The following DST variants were observed in gnomAD, a reference collection of about 807,000 sequenced individuals.
DST encodes dystonin.
Under a neutral mutation model 875.2 loss-of-function variants are expected in DST, and 253 were observed. That is an observed-to-expected ratio of 0.29 (90% CI 0.26 to 0.32). The LOEUF is 0.32. Among genes scored for constraint, DST ranks in the 10% least tolerant of loss-of-function variants. The pLI is 1.00. For synonymous variants in DST, 3,124 were observed against 3,197.1 expected (o/e 0.98, Z 0.77); for missense variants, 8,287 against 9,111.6 (o/e 0.91, Z 3.68).
rs779891043 is a variant in DST at position 56,472,164 on chromosome 6, G to T, written c.22053C>A (p.Thr7351=). The part of the protein sequence containing the change: ...YPSGSQTQIE[T]KNPRVNLLVS... ...CCAGTAAGTTTACCCTAGGATTTTTGGTTTCAATTTGTGTCTGTGACCCAG... is the reference window on the plus strand; with the variant it reads ...CCAGTAAGTTTACCCTAGGATTTTTTGTTTCAATTTGTGTCTGTGACCCAG... Residue 7351 remains threonine (T), a synonymous_variant, in exon 94 of 104, where the codon ACC becomes ACA. Transcript: ENST00000680361. The T allele has an allele frequency of 1.9e-6, 3 of 1,613,814 alleles. No individual in the cohort carries two copies. Among genetic ancestry groups the T allele is most frequent in the Non-Finnish European group, 2.5e-6 (3 of 1,179,814 alleles).
At chr6:56,644,950 A>G (rs1056151921) in intron 15 of DST, among the ~76,000 whole-genome samples, 20 of 152,188 alleles carry the variant, frequency 1.3e-4, no homozygotes, top group Admixed American at 1.3e-3. Context: ...ATGGTAATGA[A>G]TAAGTCTCAA....
chr6:56,633,150 G>A (rs973884724), intron 27 of DST, 113 bp from the exon 28 acceptor site: 11 of 839,680 alleles, frequency 1.3e-5, no homozygotes, highest in Non-Finnish European at 2.0e-5. Flanking sequence ...ATCATAAATA[G>A]GAACATTTGA....
Position 56,603,937 on chromosome 6 carries a change from C to G in DST, c.10691G>C (p.Arg3564Thr), listed in dbSNP as rs534262273. 23 of 1,611,536 alleles carry G rather than the reference C, an allele frequency of 1.4e-5. No homozygotes were observed. In the South Asian group the frequency reaches 2.1e-4, roughly 15 times the overall value. ...SSTVWASTLPRDEKLKDLCND... is the reference protein window; with the variant it reads ...SSTVWASTLPTDEKLKDLCND... ...ACACAGATCCTTGAGCTTCTCATCT[C>G]TTGGCAATGTTGATGCCCACACAGT... The change falls in exon 40 of 104, where the codon AGA (arginine) becomes ACA (threonine). Residue 3564 changes from arginine to threonine, a missense_variant. Coordinates refer to ENST00000680361, the MANE Select transcript of DST (RefSeq NM_001374736.1).
intron 32 of DST, among the ~76,000 whole-genome samples, chr6:56,629,011 A>T (rs1372481234): frequency 6.6e-6 from 1 of 152,242 alleles, no homozygotes; most frequent in African/African-American, 2.4e-5. Context: ...AAAGGCAAGC[A>T]GATTAACTAT....
At chr6:56,548,085 C>T (rs2097259033) in intron 61 of DST, among the ~76,000 whole-genome samples, 4 of 152,200 alleles carry the variant, frequency 2.6e-5, no homozygotes, top group African/African-American at 9.6e-5. Flanking sequence ...TGGTCTAGAT[C>T]AGGGGTGTCC....
intron 86 of DST, 138 bp downstream of exon 86, chr6:56,489,352 G>C (rs2095664143): frequency 2.7e-6 from 2 of 741,520 alleles, no homozygotes; most frequent in East Asian, 3.1e-5. Context: ...AAGAGCAATA[G>C]CTTTTAAATT....
chr6:56,476,256 CT>C lies in DST; in HGVS notation c.21756del (p.Ala7253LeufsTer28), dbSNP rs398122819. 1.2e-6 allele frequency: 2 copies of C among 1,610,578 alleles called. No homozygotes were observed. On this transcript the variant is annotated frameshift_variant, in exon 92 of 104. Transcript: ENST00000680361. LOFTEE classifies it high-confidence loss of function. The stretch of plus-strand genomic sequence containing the variant: ...GCCCATTGCAACCAAGCCAGCAAAG[CT>C]TCCAACAATTCCTGTTTGGCAATAA... ...AGLIAKQELL[E>X]ALLAWLQWAE...
intron 49 of DST, among the ~76,000 whole-genome samples, chr6:56,582,026 A>G (rs2098012902): frequency 1.3e-5 from 2 of 152,184 alleles, no homozygotes; most frequent in South Asian, 4.1e-4. Flanking sequence ...TACCTGCTTA[A>G]TATTTTTTAA....
intron 3 of DST, chr6:56,871,596 A>G: frequency 8.7e-6 from 7 of 808,002 alleles, no homozygotes; most frequent in Non-Finnish European, 1.5e-5. Flanking sequence ...TCATGGTTGG[A>G]TTAACCCATA....
In DST at chr6:56,880,842, T is replaced by C. The variant is rs1415012757; in HGVS notation, c.417+19579A>G. 5.6e-3 allele frequency among the ~76,000 whole-genome samples: 668 copies of C among 119,430 alleles called. 5 individuals are homozygous for C. The highest frequency in any genetic ancestry group is 9.5e-3 in the South Asian group (31 of 3,266). The allele number at this position is 119,430 out of a possible 152,430, so 78.4% of individuals were successfully genotyped here. On this transcript the variant is annotated intron_variant, in intron 3 of 103. Transcript: ENST00000680361. ...TAATATAAAATACTGTCTTTCTTTT[T>C]TTTTTTTTTTTTTTTTTTTTTTTGA...
At chr6:56,514,852 G>A (rs1452810912) in intron 72 of DST, among the ~76,000 whole-genome samples, 2 of 152,194 alleles carry the variant, frequency 1.3e-5, no homozygotes, top group African/African-American at 2.4e-5. Flanking sequence ...AAAATGTGAT[G>A]TAACTGTAGT....
intron 4 of DST, among the ~76,000 whole-genome samples, chr6:56,754,021 T>C (rs756069536): frequency 4.6e-5 from 7 of 152,216 alleles, no homozygotes; most frequent in Non-Finnish European, 5.9e-5. Flanking sequence ...TGGAGCTTTT[T>C]GTTTACATGA....
chr6:56,768,032 G>A (rs1032061130), intron 4 of DST, among the ~76,000 whole-genome samples: 2 of 152,080 alleles, frequency 1.3e-5, no homozygotes, highest in Non-Finnish European at 2.9e-5. Context: ...GGTACCACAG[G>A]ACCATATAAG....
chr6:56,908,718 C>G (rs899175956), intron 2 of DST, among the ~76,000 whole-genome samples: 7 of 152,098 alleles, frequency 4.6e-5, no homozygotes, highest in African/African-American at 1.2e-4. Context: ...AGATACGGGT[C>G]GTAAAGACCT....
chr6:56,515,369 T>C (rs1255509627), intron 72 of DST, 81 bp downstream of exon 72: 2 of 1,485,128 alleles, frequency 1.3e-6, no homozygotes, highest in African/African-American at 2.8e-5. Flanking sequence ...ATGTAAGTGT[T>C]TAACTGTACT....
At chr6:56,838,905 T>C (rs1338654492) in intron 4 of DST, among the ~76,000 whole-genome samples, 2 of 152,256 alleles carry the variant, frequency 1.3e-5, no homozygotes, top group African/African-American at 2.4e-5. Flanking sequence ...AAGTCAAATA[T>C]ATTGTGTGAT....
At position 56,604,554 on chromosome 6, in the gene DST, G is replaced by T. The variant is rs1188802351; in HGVS notation, c.10074C>A (p.Ile3358=). Residue 3358 remains isoleucine, a synonymous_variant, in exon 40 of 104, where the codon ATC becomes ATA. Coordinates refer to ENST00000680361, the MANE Select transcript of DST (RefSeq NM_001374736.1). ...GACCTTCTTTCAACCTGCTTTTTAA[G>T]ATATCCTTTACATCCTCCACAAATA... ...SQVFVEDVKD[I]LKSRLKEGHM... The T allele has an allele frequency of 6.2e-7, 1 of 1,612,206 alleles. No individual in the cohort carries two copies. Among genetic ancestry groups the T allele is most frequent in the East Asian group, 2.2e-5 (1 of 44,840 alleles).
At chr6:56,543,477 T>C (rs144580083) in intron 61 of DST, among the ~76,000 whole-genome samples, 2,813 of 152,324 alleles carry the variant, frequency 0.018, 79 homozygotes, top group African/African-American at 0.063. Flanking sequence ...ACTCCAGATA[T>C]TTAATAAACA....
At chr6:56,783,686 A>G (rs2099699062) in intron 4 of DST, among the ~76,000 whole-genome samples, 1 of 152,044 alleles carries the variant, frequency 6.6e-6, no homozygotes, top group Admixed American at 6.5e-5. Context: ...CCAATTTGCC[A>G]GTCTGTGTCT....
Sources: allele counts gnomAD v4.1 joint callset (sites outside exome capture counted in the v4.1 genomes callset), GRCh38; gene constraint gnomAD v4.1.1; transcripts MANE v1.5; gene names NCBI Gene and HGNC (gene_info 2026-07-23, HGNC 2026-07-21).